The following CHIA variants were observed in gnomAD, a reference collection of about 807,000 sequenced individuals.
CHIA encodes acidic mammalian chitinase.
CHIA carries 47 observed loss-of-function variants against 53.5 expected under a neutral mutation model. That is an observed-to-expected ratio of 0.88 (90% CI 0.70 to 1.12). The LOEUF is 1.12. Among genes scored for constraint, CHIA ranks in the 50% most tolerant of loss-of-function variants. The pLI, the probability that CHIA is intolerant of heterozygous loss-of-function variation, is 0.00. For synonymous variants in CHIA, 268 were observed against 222.2 expected (o/e 1.21, Z -1.83); for missense variants, 652 against 592.2 (o/e 1.10, Z -1.05).
rs1649442497 is a variant in CHIA, at chr1:111,319,238, A to G, written c.1034A>G (p.Lys345Arg). ...GYDNIKSFDI[K>R]AQWLKHNKFG... ...GACAACATCAAGAGCTTCGATATTA[A>G]GGTAAGATCAGTCCCTTAAATGTGC... Residue 345 changes from lysine to arginine, a missense_variant and splice_region_variant, in exon 10 of 12, where the codon AAG (lysine) becomes AGG (arginine). Lys to Arg is a conservative substitution (Grantham distance 26). Coordinates refer to ENST00000369740, the MANE Select transcript of CHIA (RefSeq NM_201653.4). 1.2e-6 allele frequency: 2 copies of G among 1,614,074 alleles called. No individual in the cohort carries two copies. The highest frequency in any genetic ancestry group is 2.7e-5 in the African/African-American group (2 of 74,932).
intron 1 of CHIA, among the ~76,000 whole-genome samples, chr1:111,296,488 G>T (rs2101603147): frequency 6.6e-6 from 1 of 152,320 alleles, no homozygotes; most frequent in African/African-American, 2.4e-5. Flanking sequence ...GGACCTGACT[G>T]TTAGAAGGAA....
intron 8 of CHIA, among the ~76,000 whole-genome samples, 176 bp downstream of exon 8, chr1:111,318,285 A>G (rs1649338255): frequency 6.6e-6 from 1 of 152,230 alleles, no homozygotes; most frequent in South Asian, 2.1e-4. Context: ...CAAAGTAAAC[A>G]TAAATTCTGC....
At chr1:111,292,072 C>T in intron 1 of CHIA, among the ~76,000 whole-genome samples, 1 of 152,160 alleles carries the variant, frequency 6.6e-6, no homozygotes, top group East Asian at 1.9e-4. Context: ...AATTCACACA[C>T]AATGTTTTGT....
chr1:111,318,556 C>T lies in CHIA; in HGVS notation c.793C>T (p.Pro265Ser). ...AGCTGAGAAGCTCATCGTTGGATTC[C>T]CTACCTATGGACACAACTTCATCCT... ...APAEKLIVGF[P>S]TYGHNFILSN... Residue 265 changes from proline to serine, a missense_variant, in exon 9 of 12, where the codon CCT (proline) becomes TCT (serine). Physicochemically the swap from Pro to Ser is moderately conservative, Grantham distance 74. Coordinates refer to ENST00000369740, the MANE Select transcript of CHIA (RefSeq NM_201653.4). 1 of 1,614,172 alleles carries T rather than the reference C, an allele frequency of 6.2e-7. No individual in the cohort carries two copies. Among genetic ancestry groups the T allele is most frequent in the Non-Finnish European group, 8.5e-7 (1 of 1,180,014 alleles).
chr1:111,296,909 C>T (rs182216112), intron 1 of CHIA, among the ~76,000 whole-genome samples: 3 of 152,228 alleles, frequency 2.0e-5, no homozygotes, highest in South Asian at 2.1e-4. Context: ...AACCATGGCA[C>T]GAGAACTTCG....
intron 1 of CHIA, among the ~76,000 whole-genome samples, chr1:111,303,368 G>GTGAACGTAGTTCACAAAC (rs1647912782): frequency 6.6e-6 from 1 of 151,816 alleles, no homozygotes; most frequent in African/African-American, 2.4e-5. Flanking sequence ...GTGGTTAGTT[G>GTGAACGTAGTTCACAAAC]ATTGTTCGTA....
chr1:111,309,361 G>A (rs529559211), intron 1 of CHIA, among the ~76,000 whole-genome samples: 1 of 152,158 alleles, frequency 6.6e-6, no homozygotes, highest in Non-Finnish European at 1.5e-5. Context: ...ATCCCATAAT[G>A]ATCACCCATA....
intron 2 of CHIA, among the ~76,000 whole-genome samples, chr1:111,310,715 T>G (rs1423516803): frequency 6.6e-6 from 1 of 152,246 alleles, no homozygotes; most frequent in Non-Finnish European, 1.5e-5. Flanking sequence ...GTTAATCCCA[T>G]GGACCTGGTC....
At chr1:111,304,780 T>C (rs925453907) in intron 1 of CHIA, among the ~76,000 whole-genome samples, 1 of 152,222 alleles carries the variant, frequency 6.6e-6, no homozygotes, top group Non-Finnish European at 1.5e-5. Context: ...GAATGAGCTA[T>C]ACTTTCTTGT....
chr1:111,297,914 A>C (rs996924889), intron 1 of CHIA, among the ~76,000 whole-genome samples: 3 of 148,644 alleles, frequency 2.0e-5, no homozygotes, highest in African/African-American at 7.4e-5. Flanking sequence ...AAAAAAAAAA[A>C]AAAAAAAAAA....
chr1:111,307,964 C>T (rs1648331020), intron 1 of CHIA, among the ~76,000 whole-genome samples: 1 of 151,982 alleles, frequency 6.6e-6, no homozygotes. Flanking sequence ...AAATGTATAC[C>T]TAAACTCATG....
At chr1:111,297,177 G>A (rs149981139) in intron 1 of CHIA, among the ~76,000 whole-genome samples, 39 of 152,198 alleles carry the variant, frequency 2.6e-4, no homozygotes, top group East Asian at 1.4e-3. Flanking sequence ...GAGAACTTCC[G>A]CAACCTAGCA....
At chr1:111,318,265 G>A (rs986429202) in intron 8 of CHIA, among the ~76,000 whole-genome samples, 156 bp downstream of exon 8, 1 of 152,130 alleles carries the variant, frequency 6.6e-6, no homozygotes, top group African/African-American at 2.4e-5. Flanking sequence ...TTCACACAGA[G>A]ACTGGGACAC....
rs981393008 is a variant in CHIA at position 111,318,099 on chromosome 1, A to G, written c.719A>G (p.Tyr240Cys). 10 of 1,612,414 alleles carry G rather than the reference A, an allele frequency of 6.2e-6. No individual in the cohort carries two copies. Among genetic ancestry groups the G allele is most frequent in the Non-Finnish European group, 8.5e-6 (10 of 1,178,590 alleles). Residue 240 changes from tyrosine (Y) to cysteine (C), a missense_variant, in exon 8 of 12, where the codon TAC becomes TGC. Coordinates refer to ENST00000369740, the MANE Select transcript of CHIA (RefSeq NM_201653.4). ...KYPTDTGSNAYLNVDYVMNYW... is the reference protein window; with the variant it reads ...KYPTDTGSNACLNVDYVMNYW... The stretch of plus-strand genomic sequence containing the variant: ...CCGACTGACACCGGCAGCAACGCCT[A>G]CCTCAATGTGGTGAGTCCCTGTACA...
chr1:111,303,785 C>G (rs1172318154), intron 1 of CHIA, among the ~76,000 whole-genome samples: 1 of 152,138 alleles, frequency 6.6e-6, no homozygotes. Flanking sequence ...GCCATTGTTA[C>G]AATAATACTA....
At chr1:111,297,784 T>C (rs1647300990) in intron 1 of CHIA, among the ~76,000 whole-genome samples, 1 of 150,792 alleles carries the variant, frequency 6.6e-6, no homozygotes, top group African/African-American at 2.4e-5. Context: ...ACTGGCAAAT[T>C]GGATAAAGAG....
chr1:111,317,647 C>G (rs753417209), intron 6 of CHIA, 34 bp from the exon 7 acceptor site: 8 of 1,610,666 alleles, frequency 5.0e-6, no homozygotes, highest in Non-Finnish European at 6.8e-6. Flanking sequence ...AAATCAGCAT[C>G]ATAGATGTCC....
chr1:111,314,997 C>T, intron 5 of CHIA: 1 of 433,040 alleles, frequency 2.3e-6, no homozygotes, highest in Non-Finnish European at 4.1e-6. Context: ...GGAGGGAACA[C>T]AGTGTGCTGG....
intron 1 of CHIA, among the ~76,000 whole-genome samples, chr1:111,296,774 T>C (rs1020010791): frequency 2.0e-5 from 3 of 152,172 alleles, no homozygotes; most frequent in Admixed American, 2.0e-4. Context: ...AACAAACTTA[T>C]CCAAGCTAAA....
Sources: allele counts gnomAD v4.1 joint callset (sites outside exome capture counted in the v4.1 genomes callset), GRCh38; gene constraint gnomAD v4.1.1; transcripts MANE v1.5; gene names NCBI Gene and HGNC (gene_info 2026-07-23, HGNC 2026-07-21).